Variants in SLC9C1 observed in about 807,000 individuals in gnomAD.
SLC9C1 encodes the protein solute carrier family 9 member C1.
SLC9C1 carries 97 observed loss-of-function variants against 140.9 expected under a neutral mutation model. The ratio of observed to expected loss-of-function variants is 0.69; its 90% CI spans 0.58 to 0.82. The LOEUF is 0.82. Among genes scored for constraint, SLC9C1 ranks in the 40% least tolerant of loss-of-function variants. SLC9C1 has a pLI of 0.00. For synonymous variants in SLC9C1, 440 were observed against 442.6 expected, an observed-to-expected ratio of 0.99 and a Z score of 0.07; for missense variants, 1,340 against 1,389.3, an observed-to-expected ratio of 0.96 and a Z score of 0.56.
At chr3:112,212,536 G>A (rs1223022598) in intron 15 of SLC9C1, among the ~76,000 whole-genome samples, 1 of 152,156 alleles carries the variant, frequency 6.6e-6, no homozygotes, top group East Asian at 1.9e-4. Flanking sequence ...TGAAAACCAT[G>A]GCACAAGAAC....
intron 3 of SLC9C1, 45 bp from the exon 4 acceptor site, chr3:112,278,902 T>G (rs2080288541): frequency 6.6e-7 from 1 of 1,517,282 alleles, no homozygotes; most frequent in African/African-American, 1.4e-5. Context: ...TTCATCACTA[T>G]TAGAATAGAA....
chr3:112,216,083 C>G (rs1309593961), intron 15 of SLC9C1, among the ~76,000 whole-genome samples: 1 of 152,066 alleles, frequency 6.6e-6, no homozygotes, highest in Admixed American at 6.6e-5. Flanking sequence ...TTTGACAAAC[C>G]TGAGAAAAAC....
chr3:112,292,765 G>C (rs868596094), intron 1 of SLC9C1, among the ~76,000 whole-genome samples: 49 of 151,152 alleles, frequency 3.2e-4, no homozygotes, highest in Non-Finnish European at 1.0e-4. Context: ...GGATGGTCTC[G>C]ATCTCCTGAC....
intron 7 of SLC9C1, 46 bp downstream of exon 7, chr3:112,269,870 G>T: frequency 1.0e-5 from 14 of 1,404,670 alleles, no homozygotes; most frequent in South Asian, 5.8e-5. Flanking sequence ...TTTTTATTTT[G>T]AAGTTTTCTA....
intron 15 of SLC9C1, among the ~76,000 whole-genome samples, chr3:112,213,857 C>A (rs1037019875): frequency 1.3e-5 from 2 of 152,132 alleles, no homozygotes; most frequent in African/African-American, 2.4e-5. Flanking sequence ...ACCAAGCACA[C>A]CTAATAGACA....
chr3:112,285,849 A>G (rs2080493087), intron 2 of SLC9C1, among the ~76,000 whole-genome samples: 2 of 152,046 alleles, frequency 1.3e-5, no homozygotes. Flanking sequence ...TCATTGCAAT[A>G]TCCACCTCCT....
At chr3:112,158,251 A>G (rs2075182759) in intron 26 of SLC9C1, among the ~76,000 whole-genome samples, 1 of 152,080 alleles carries the variant, frequency 6.6e-6, no homozygotes, top group Non-Finnish European at 1.5e-5. Flanking sequence ...TTTATTGAAT[A>G]CTTATTCTGC....
chr3:112,202,501 C>T (rs1333301765), intron 17 of SLC9C1, 102 bp from the exon 18 acceptor site: 15 of 1,185,062 alleles, frequency 1.3e-5, no homozygotes, highest in Non-Finnish European at 1.6e-5. Context: ...AATTAAGTGC[C>T]CTCAAAGGTA....
At chr3:112,180,907 G>A (rs1283989787) in intron 21 of SLC9C1, among the ~76,000 whole-genome samples, 2 of 152,008 alleles carry the variant, frequency 1.3e-5, no homozygotes, top group Non-Finnish European at 2.9e-5. Context: ...AGGTGCCCAC[G>A]ACCATGCCCA....
chr3:112,231,132 C>CTT (rs2078809660), intron 13 of SLC9C1, among the ~76,000 whole-genome samples: 1 of 150,624 alleles, frequency 6.6e-6, no homozygotes. Flanking sequence ...GTCTCTCTCT[C>CTT]TCTCTTTTTC....
chr3:112,245,578 T>C (rs1391890424), intron 10 of SLC9C1, among the ~76,000 whole-genome samples: 2 of 152,114 alleles, frequency 1.3e-5, no homozygotes, highest in African/African-American at 4.8e-5. Flanking sequence ...TACTCCATCT[T>C]TTTTTATTCT....
At chr3:112,289,286 G>A (rs1398154765) in intron 1 of SLC9C1, among the ~76,000 whole-genome samples, 1 of 152,332 alleles carries the variant, frequency 6.6e-6, no homozygotes, top group East Asian at 1.9e-4. Flanking sequence ...CAGCAAAAGA[G>A]TGTTAGAAAT....
At position 112,209,655 on chromosome 3, in the gene SLC9C1, C is replaced by T. The variant is rs147077714; in HGVS notation, c.1791-1282G>A. ...AACAAAATAGCAAAGTTTCAGGAAA[C>T]AAAATCGATATATAAAAATCAGTTG... On this transcript the variant is annotated intron_variant, in intron 15 of 28. Coordinates refer to ENST00000305815, the MANE Select transcript of SLC9C1 (RefSeq NM_183061.3). Among the ~76,000 whole-genome samples, 221 of 151,970 alleles carry T rather than the reference C, an allele frequency of 1.5e-3. 2 individuals carry two copies. Among genetic ancestry groups the T allele is most frequent in the African/African-American group, 5.2e-3 (214 of 41,458 alleles).
In SLC9C1 at chr3:112,233,064, TA is replaced by T. The variant is rs1399237171; in HGVS notation, c.1447-1579del. On this transcript the variant is annotated intron_variant, in intron 12 of 28. Coordinates refer to ENST00000305815, the MANE Select transcript of SLC9C1 (RefSeq NM_183061.3). ...ACACACACACACATATATATATATA[TA>T]TATTATATTTTTTTTTTTTTTAAGA... Among the ~76,000 whole-genome samples the T allele has an allele frequency of 9.1e-3, 519 of 57,046 alleles. 4 individuals carry two copies. Among genetic ancestry groups the T allele is most frequent in the East Asian group, 0.028 (30 of 1,068 alleles). The allele number at this position is 57,046 out of a possible 152,430, so 37.4% of individuals were successfully genotyped here.
Position 112,204,409 on chromosome 3 carries a change from G to C in SLC9C1, c.1987-6C>G. The C allele has an allele frequency of 6.5e-7, 1 of 1,549,968 alleles. No homozygotes were observed. The highest frequency in any genetic ancestry group is 2.5e-5 in the East Asian group (1 of 40,490). On this transcript the variant is annotated splice_polypyrimidine_tract_variant and splice_region_variant and intron_variant, in intron 16 of 28. Transcript: ENST00000305815. ...TCCTTCCTCATTGCTGCTATCTGTT[G>C]ATTTAAAAGGAAATTACATTATCAT... is the stretch of plus-strand genomic sequence containing the variant.
intron 27 of SLC9C1, among the ~76,000 whole-genome samples, chr3:112,152,995 C>T (rs1321382423): frequency 6.6e-6 from 1 of 152,060 alleles, no homozygotes; most frequent in Non-Finnish European, 1.5e-5. Flanking sequence ...CTTTCTTTCC[C>T]CCACACCTTT....
intron 20 of SLC9C1, among the ~76,000 whole-genome samples, chr3:112,195,556 TAA>T (rs1181286348): frequency 6.6e-6 from 1 of 151,942 alleles, no homozygotes; most frequent in African/African-American, 2.4e-5. Context: ...TCTTTTGTGT[TAA>T]GTTGATTTTT....
intron 10 of SLC9C1, among the ~76,000 whole-genome samples, chr3:112,253,935 T>C (rs1220147248): frequency 6.6e-6 from 1 of 151,902 alleles, no homozygotes; most frequent in Non-Finnish European, 1.5e-5. Context: ...CTACAAAAAT[T>C]CCACAAGGTT....
chr3:112,150,805 TATATAA>T (rs2074941217), intron 28 of SLC9C1, among the ~76,000 whole-genome samples: 1 of 48,802 alleles, frequency 2.0e-5, no homozygotes, highest in Non-Finnish European at 3.9e-5. Flanking sequence ...TATATATATA[TATATAA>T]ATACATATAC....
Sources: allele counts gnomAD v4.1 joint callset (sites outside exome capture counted in the v4.1 genomes callset), GRCh38; gene constraint gnomAD v4.1.1; transcripts MANE v1.5; gene names NCBI Gene and HGNC (gene_info 2026-07-23, HGNC 2026-07-21).